MBD1: variants seen among roughly 807,000 people sequenced by gnomAD.
The protein encoded by MBD1 is methyl-CpG binding domain protein 1.
A neutral mutation model predicts 82.6 loss-of-function variants in MBD1; 25 were observed. The ratio of observed to expected loss-of-function variants is 0.30; its 90% CI spans 0.22 to 0.42. The LOEUF (loss-of-function observed/expected upper bound fraction) is 0.42. Among genes scored for constraint, MBD1 ranks in the 10% least tolerant of loss-of-function variants. MBD1 has a pLI of 1.00. For missense variants in MBD1, 627 were observed against 819.6 expected, an observed-to-expected ratio of 0.76 and a Z score of 2.87; for synonymous variants, 301 against 303.7, an observed-to-expected ratio of 0.99 and a Z score of 0.09.
At chr18:50,273,240 T>C (rs2146431441) in intron 13 of MBD1, 94 bp downstream of exon 13, 8 of 1,534,564 alleles carry the variant, frequency 5.2e-6, no homozygotes, top group South Asian at 1.2e-5. Flanking sequence ...AGCACATCTA[T>C]TGCTCTGCTC....
At position 50,280,065 on chromosome 18, in the gene MBD1, A is replaced by G. The variant is rs750107048; in HGVS notation, c.-25-48T>C. On this transcript the variant is annotated intron_variant, in intron 1 of 16. Transcript: ENST00000269468. ...AGGGAAACTGAGGCTCTAGGAAGGGACAACACTGTGCCCCAGGCCACACAA... is the reference window on the plus strand; with the variant it reads ...AGGGAAACTGAGGCTCTAGGAAGGGGCAACACTGTGCCCCAGGCCACACAA... The G allele has an allele frequency of 2.0e-6, 3 of 1,537,930 alleles. No homozygotes were observed. In the African/African-American group the frequency reaches 4.1e-5, roughly 21 times the overall value.
chr18:50,281,041 T>A, intron 1 of MBD1: 2 of 880,478 alleles, frequency 2.3e-6, no homozygotes, highest in Non-Finnish European at 3.4e-6. Flanking sequence ...GCCCCTCATT[T>A]CTCCCTCTCA....
In MBD1 at chr18:50,276,985, G is replaced by A. The variant is rs759330460; in HGVS notation, c.239C>T (p.Ala80Val). 1.7e-5 allele frequency: 28 copies of A among 1,614,118 alleles called. No homozygotes were observed. The Admixed American group carries it at 2.0e-4, about 12-fold the overall frequency. The change falls in exon 4 of 17, where the codon GCG becomes GTG. Residue 80 changes from alanine to valine, a missense_variant. Physicochemically the swap from Ala to Val is moderately conservative, Grantham distance 64. Transcript: ENST00000269468. ...CYPAPKAHPV[A>V]VASKKRKKPS... ...CTTCTTTCGCTTCTTGCTGGCAACC[G>A]CCACGGGATGGGCCTGGAAAGTAAG...
Position 50,269,159 on chromosome 18 carries a change from T to C in MBD1, c.*692A>G. 2 of 1,040,844 alleles carry C rather than the reference T, an allele frequency of 1.9e-6. No homozygotes were observed. The highest frequency in any genetic ancestry group is 4.7e-4 in the Middle Eastern group (1 of 2,128). The allele number at this position is 1,040,844 out of a possible 1,614,324, so 64.5% of individuals were successfully genotyped here. A position where few individuals can be genotyped will look rare whatever the true frequency, so the allele number is the denominator to read the frequency against. On this transcript the variant is annotated 3_prime_UTR_variant, in exon 17 of 17. Transcript: ENST00000269468. Reference sequence around the variant, plus strand: ...AATACTTGAATAAATGACACAAAAATAGCCAGGACCAGCAAGTTTTTTCTG... The same window carrying C: ...AATACTTGAATAAATGACACAAAAACAGCCAGGACCAGCAAGTTTTTTCTG...
At chr18:50,277,633 A>G (rs536316348) in intron 2 of MBD1, among the ~76,000 whole-genome samples, 1 of 152,226 alleles carries the variant, frequency 6.6e-6, no homozygotes, top group African/African-American at 2.4e-5. Context: ...AACTACATAC[A>G]AATTAAAGTA....
Position 50,269,233 on chromosome 18 carries a change from A to C in MBD1, c.*618T>G. 1 of 1,082,556 alleles carries C rather than the reference A, an allele frequency of 9.2e-7. No homozygotes were observed. Among genetic ancestry groups the C allele is most frequent in the Non-Finnish European group, 1.1e-6 (1 of 887,286 alleles). 67.1% of individuals were successfully genotyped at this position (1,082,556 alleles called of 1,614,324 possible). ...ACTTGCTGGAATCACCATGAAATCC[A>C]TGGTCTTCAGCTTTGCATTTTCAGC... is the stretch of plus-strand genomic sequence containing the variant. On this transcript the variant is annotated 3_prime_UTR_variant, in exon 17 of 17. Transcript: ENST00000269468.
At chr18:50,277,917 C>T (rs1461915978) in intron 2 of MBD1, among the ~76,000 whole-genome samples, 1 of 152,198 alleles carries the variant, frequency 6.6e-6, no homozygotes, top group Non-Finnish European at 1.5e-5. Context: ...ACCCTCTTCA[C>T]GTCATGCTGT....
At chr18:50,276,513 T>C in intron 5 of MBD1, 95 bp from the exon 6 acceptor site, 3 of 1,455,172 alleles carry the variant, frequency 2.1e-6, no homozygotes, top group Non-Finnish European at 2.9e-6. Flanking sequence ...CTATTCAACC[T>C]CTACCTATGC....
At chr18:50,277,939 T>C (rs72923692) in intron 2 of MBD1, among the ~76,000 whole-genome samples, 4,668 of 152,338 alleles carry the variant, frequency 0.031, 98 homozygotes, top group South Asian at 0.099. Flanking sequence ...GGAATTGGGA[T>C]TCAGAAACTG....
chr18:50,274,886 C>T, intron 10 of MBD1, 91 bp downstream of exon 10: 1 of 1,335,420 alleles, frequency 7.5e-7, no homozygotes, highest in Non-Finnish European at 1.1e-6. Flanking sequence ...CCTTGCTGTT[C>T]CCCAATAGGC....
In MBD1 at chr18:50,273,883, G is replaced by A; in HGVS notation, c.1147-20C>T. ...CCGCTTCTATGGGGAAAGATAGGGT[G>A]CTATGGCTACCTGGTGTCCTGACCA... On this transcript the variant is annotated intron_variant, in intron 11 of 16. Coordinates refer to ENST00000269468, the MANE Select transcript of MBD1 (RefSeq NM_015846.4). 1 of 1,610,016 alleles carries A rather than the reference G, an allele frequency of 6.2e-7. No homozygotes were observed. The highest frequency in any genetic ancestry group is 8.5e-7 in the Non-Finnish European group (1 of 1,179,916).
At chr18:50,278,728 G>A (rs2039052382) in intron 2 of MBD1, among the ~76,000 whole-genome samples, 2 of 152,188 alleles carry the variant, frequency 1.3e-5, no homozygotes, top group African/African-American at 4.8e-5. Flanking sequence ...GTTCTACAAA[G>A]CTATCATGAA....
chr18:50,275,123 C>A lies in MBD1; in HGVS notation c.909+6G>T. The A allele has an allele frequency of 1.9e-6, 3 of 1,613,674 alleles. No individual in the cohort carries two copies. Among genetic ancestry groups the A allele is most frequent in the East Asian group, 2.2e-5 (1 of 44,876 alleles). On this transcript the variant is annotated splice_donor_region_variant and intron_variant, in intron 9 of 16. Coordinates refer to ENST00000269468, the MANE Select transcript of MBD1 (RefSeq NM_015846.4). The stretch of plus-strand genomic sequence containing the variant: ...TGTGCCTTCCCTCCACCCACTGGGG[C>A]CTCACCGGCTCTGTGGGCTCTGGGG...
rs1271572155 is a variant in MBD1 at position 50,274,188 on chromosome 18, T to A, written c.1144A>T (p.Met382Leu). Reference protein sequence around the residue: ...CRWRQCLQFAMKRLLPSVWSE... With the variant: ...CRWRQCLQFALKRLLPSVWSE... ...CTGACCCTTCCTGCCCCACCCACCA[T>A]GGCAAACTGCAGGCATTGGCGCCAA... The change falls in exon 11 of 17, where the codon ATG becomes TTG. Residue 382 changes from methionine to leucine, a missense_variant and splice_region_variant. Met to Leu is a conservative substitution (Grantham distance 15). Transcript: ENST00000269468. The A allele has an allele frequency of 1.2e-6, 2 of 1,613,962 alleles. No homozygotes were observed. The highest frequency in any genetic ancestry group is 2.2e-5 in the South Asian group (2 of 91,070).
Position 50,269,306 on chromosome 18 carries a change from G to T in MBD1, c.*545C>A. 1 of 1,250,602 alleles carries T rather than the reference G, an allele frequency of 8.0e-7. No individual in the cohort carries two copies. The allele number at this position is 1,250,602 out of a possible 1,614,324, so 77.5% of individuals were successfully genotyped here. A position where few individuals can be genotyped will look rare whatever the true frequency, so the allele number is the denominator to read the frequency against. On this transcript the variant is annotated 3_prime_UTR_variant, in exon 17 of 17. Coordinates refer to ENST00000269468, the MANE Select transcript of MBD1 (RefSeq NM_015846.4). ...CTCAGGTGAGCAGTGAGACCCTTGGGAGCGGATTCATGGTAGGGTGGCTTT... is the reference window on the plus strand; with the variant it reads ...CTCAGGTGAGCAGTGAGACCCTTGGTAGCGGATTCATGGTAGGGTGGCTTT...
chr18:50,270,373 G>A (rs1047041808), intron 16 of MBD1: 36 of 569,830 alleles, frequency 6.3e-5, no homozygotes, highest in Admixed American at 4.8e-4. Flanking sequence ...TATGAATGAA[G>A]AATTGGGAGA....
chr18:50,272,965 G>T lies in MBD1; in HGVS notation c.1585-10C>A. The stretch of plus-strand genomic sequence containing the variant: ...GGCCTGGGTCTACTGCCTGGGAGAA[G>T]TAGGAAACAGGCAACCATTAGAAGG... On this transcript the variant is annotated splice_polypyrimidine_tract_variant and intron_variant, in intron 13 of 16. Transcript: ENST00000269468. 1 of 1,614,058 alleles carries T rather than the reference G, an allele frequency of 6.2e-7. No individual in the cohort carries two copies. Among genetic ancestry groups the T allele is most frequent in the Non-Finnish European group, 8.5e-7 (1 of 1,180,016 alleles).
At chr18:50,280,422 G>A (rs1218273797) in intron 1 of MBD1, among the ~76,000 whole-genome samples, 2 of 151,160 alleles carry the variant, frequency 1.3e-5, no homozygotes, top group Non-Finnish European at 2.9e-5. Context: ...CCCATCCTCA[G>A]CCCCAAAGGG....
chr18:50,276,537 T>C, intron 5 of MBD1, 119 bp from the exon 6 acceptor site: 2 of 1,440,124 alleles, frequency 1.4e-6, no homozygotes, highest in South Asian at 1.2e-5. Context: ...CTATCTCCAA[T>C]ATCCAACCTC....
Sources: gnomAD v4.1 joint callset for allele counts (sites outside exome capture counted in the v4.1 genomes callset) on GRCh38, gnomAD v4.1.1 for gene constraint, MANE v1.5 for transcripts, NCBI Gene and HGNC (gene_info 2026-07-23, HGNC 2026-07-21) for gene names.